The following ZNF536 variants were observed in gnomAD, a reference collection of about 807,000 sequenced individuals.
The protein encoded by ZNF536 is zinc finger protein 536.
In ZNF536, 13 loss-of-function variants were observed where a neutral mutation model predicts 84.5. The ratio of observed to expected loss-of-function variants is 0.15; its 90% CI spans 0.10 to 0.24. ZNF536 has a LOEUF of 0.24. ZNF536 is among the 10% of genes least tolerant of loss of function. ZNF536 has a pLI of 1.00. For missense variants in ZNF536, 1,536 were observed against 1,747.5 expected (o/e 0.88, Z 2.16); for synonymous variants, 811 against 742.5 (o/e 1.09, Z -1.50).
intron 1 of ZNF536, among the ~76,000 whole-genome samples, chr19:30,626,616 C>A (rs991392058): frequency 6.6e-5 from 10 of 152,178 alleles, no homozygotes; most frequent in African/African-American, 2.4e-4. Context: ...GCTACCCCCA[C>A]TTGGAGGCTC....
At chr19:30,450,198 T>G (rs1473044784) in intron 2 of ZNF536, among the ~76,000 whole-genome samples, 1 of 152,052 alleles carries the variant, frequency 6.6e-6, no homozygotes, top group Non-Finnish European at 1.5e-5. Context: ...ACCCTATTGT[T>G]GCCGAGCGAA....
intron 1 of ZNF536, among the ~76,000 whole-genome samples, chr19:30,282,823 A>G (rs965192858): frequency 1.1e-4 from 17 of 152,162 alleles, no homozygotes; most frequent in African/African-American, 2.7e-4. Flanking sequence ...GAAGAGAGAG[A>G]GACAGACAGA....
In ZNF536 at chr19:30,294,129, T is replaced by A. The variant is rs564261492; in HGVS notation, c.-120+9988T>A. Among the ~76,000 whole-genome samples, 66 of 152,166 alleles carry A rather than the reference T, an allele frequency of 4.3e-4. 1 individual carries two copies. In the South Asian group the frequency reaches 0.013, roughly 29 times the overall value. ...TCTCTTGCCAATGAGCAGCTAAGCA[T>A]TTATTGAGGGTCCCTGTGCTCAGCT... On this transcript the variant is annotated intron_variant, in intron 2 of 5. Coordinates refer to the ZNF536 transcript ENST00000585628.
chr19:30,663,680 T>C (rs904827538), intron 1 of ZNF536, among the ~76,000 whole-genome samples: 1 of 152,156 alleles, frequency 6.6e-6, no homozygotes, highest in Non-Finnish European at 1.5e-5. Flanking sequence ...GGAATTAACA[T>C]GACAGTTAAG....
At chr19:30,563,615 CT>C (rs1476334284) in intron 1 of ZNF536, among the ~76,000 whole-genome samples, 5 of 152,184 alleles carry the variant, frequency 3.3e-5, no homozygotes, top group Admixed American at 1.3e-4. Flanking sequence ...ATGATCACCT[CT>C]AATTTGCACA....
At chr19:30,339,885 G>A (rs1168954893) in intron 2 of ZNF536, among the ~76,000 whole-genome samples, 2 of 152,164 alleles carry the variant, frequency 1.3e-5, no homozygotes, top group Non-Finnish European at 2.9e-5. Flanking sequence ...AGCCCTAAAT[G>A]TTCTCCTTCT....
chr19:30,560,585 C>T (rs2046127669), downstream of ZNF536, among the ~76,000 whole-genome samples: 1 of 152,160 alleles, frequency 6.6e-6, no homozygotes. Context: ...AGAGACCACC[C>T]CCCCGCCCCA....
chr19:30,601,561 C>G (rs1207890984), intron 1 of ZNF536, among the ~76,000 whole-genome samples: 2 of 152,200 alleles, frequency 1.3e-5, no homozygotes, highest in African/African-American at 4.8e-5. Flanking sequence ...TCTCTGCCAT[C>G]AGAAGGAACC....
At chr19:30,338,869 T>A (rs1191927445) in intron 2 of ZNF536, among the ~76,000 whole-genome samples, 5 of 152,174 alleles carry the variant, frequency 3.3e-5, no homozygotes, top group African/African-American at 7.2e-5. Flanking sequence ...TTAACCTCTT[T>A]GAGCATCAGT....
intron 2 of ZNF536, among the ~76,000 whole-genome samples, chr19:30,305,933 C>T (rs997626652): frequency 3.3e-4 from 50 of 152,252 alleles, no homozygotes; most frequent in African/African-American, 1.2e-3. Flanking sequence ...ATCCTCCCGA[C>T]GTATTTAGTG....
chr19:30,247,646 C>T (rs956780383), intron 1 of ZNF536, among the ~76,000 whole-genome samples: 1 of 152,006 alleles, frequency 6.6e-6, no homozygotes, highest in Non-Finnish European at 1.5e-5. Flanking sequence ...TGGGCAACAT[C>T]GCAAGAGCCC....
At chr19:30,281,896 G>A (rs984444915) in intron 1 of ZNF536, among the ~76,000 whole-genome samples, 1 of 152,138 alleles carries the variant, frequency 6.6e-6, no homozygotes, top group Non-Finnish European at 1.5e-5. Context: ...CTCAGGTTGG[G>A]GTCCCTGTGG....
chr19:30,271,953 A>G (rs1166862475), intron 1 of ZNF536, among the ~76,000 whole-genome samples: 1 of 152,252 alleles, frequency 6.6e-6, no homozygotes, highest in Admixed American at 6.5e-5. Context: ...TGAGGTCTTC[A>G]GCCTTTGGGA....
intron 2 of ZNF536, among the ~76,000 whole-genome samples, chr19:30,506,330 C>T (rs2055173172): frequency 6.6e-6 from 1 of 152,138 alleles, no homozygotes; most frequent in Non-Finnish European, 1.5e-5. Flanking sequence ...GGATGTTCAT[C>T]TCCTTTGACA....
At chr19:30,622,471 G>A (rs1441149504) in intron 1 of ZNF536, among the ~76,000 whole-genome samples, 2 of 152,256 alleles carry the variant, frequency 1.3e-5, no homozygotes, top group African/African-American at 4.8e-5. Flanking sequence ...TGGGTCAGAA[G>A]TGGCCGTTCT....
At chr19:30,563,453 C>T (rs1436518966) in intron 1 of ZNF536, among the ~76,000 whole-genome samples, 1 of 152,156 alleles carries the variant, frequency 6.6e-6, no homozygotes, top group African/African-American at 2.4e-5. Flanking sequence ...CGTGGCCAAT[C>T]GGTGGCCCAG....
chr19:30,229,576 G>C (rs1342424804), intron 1 of ZNF536, among the ~76,000 whole-genome samples: 1 of 151,854 alleles, frequency 6.6e-6, no homozygotes, highest in East Asian at 1.9e-4. Flanking sequence ...GGTGGTGGGG[G>C]GGGCTCAGCT....
At chr19:30,230,986 T>A (rs952886508) in intron 1 of ZNF536, among the ~76,000 whole-genome samples, 9 of 148,816 alleles carry the variant, frequency 6.0e-5, no homozygotes, top group Admixed American at 5.3e-4. Flanking sequence ...TTTTTTTTTT[T>A]ATAAGAAGAG....
intron 2 of ZNF536, among the ~76,000 whole-genome samples, chr19:30,296,988 CT>C (rs1479392323): frequency 6.6e-6 from 1 of 152,138 alleles, no homozygotes; most frequent in Admixed American, 6.5e-5. Context: ...AGAAGAAAAG[CT>C]TCCTATGAGG....
Sources: allele counts gnomAD v4.1 joint callset (sites outside exome capture counted in the v4.1 genomes callset), GRCh38; gene constraint gnomAD v4.1.1; transcripts MANE v1.5; gene names NCBI Gene and HGNC (gene_info 2026-07-23, HGNC 2026-07-21).